Variants in NEK10 observed in about 807,000 individuals in gnomAD.
The protein encoded by NEK10 is NIMA related kinase 10.
Under a neutral mutation model 159.8 loss-of-function variants are expected in NEK10, and 122 were observed. The ratio of observed to expected loss-of-function variants is 0.76; its 90% CI spans 0.66 to 0.89. The LOEUF is 0.89. NEK10 is among the 40% of genes least tolerant of loss of function. NEK10 has a pLI of 0.00. For missense variants in NEK10, 1,342 were observed against 1,323.1 expected (o/e 1.01, Z -0.22); for synonymous variants, 466 against 457.1 (o/e 1.02, Z -0.25).
chr3:27,277,947 T>G (rs1260614911), intron 22 of NEK10, among the ~76,000 whole-genome samples: 1 of 152,206 alleles, frequency 6.6e-6, no homozygotes, highest in African/African-American at 2.4e-5. Flanking sequence ...ATAATGGACA[T>G]GTAGCATTAG....
chr3:27,308,381 A>C (rs931299114), intron 10 of NEK10, among the ~76,000 whole-genome samples: 1 of 152,230 alleles, frequency 6.6e-6, no homozygotes, highest in Non-Finnish European at 1.5e-5. Flanking sequence ...GCCTAACCAT[A>C]TAAATTTATT....
intron 19 of NEK10, 130 bp downstream of exon 19, chr3:27,290,487 A>G (rs545776957): frequency 1.6e-6 from 1 of 640,472 alleles, no homozygotes; most frequent in Non-Finnish European, 2.5e-6. Context: ...CAAAAATATC[A>G]CTGCTTCAGT....
intron 13 of NEK10, among the ~76,000 whole-genome samples, chr3:27,301,059 T>A (rs1199175458): frequency 6.6e-6 from 1 of 152,134 alleles, no homozygotes; most frequent in East Asian, 1.9e-4. Flanking sequence ...GCTCCCTTTC[T>A]GTGGGCCGCT....
At position 27,107,256 on chromosome 3, in the gene NEK10, A is replaced by T. The variant is rs1400353495; in HGVS notation, c.*4016T>A. On this transcript the variant is annotated 3_prime_UTR_variant, in exon 36 of 36. Transcript: ENST00000691995. ...GGCAATATCCATCAGACACCCCATG[A>T]AACTCATAAAATCTTTCCTGTCCCT... Among the ~76,000 whole-genome samples, 3 of 152,160 alleles carry T rather than the reference A, an allele frequency of 2.0e-5. No individual in the cohort carries two copies. Among genetic ancestry groups the T allele is most frequent in the Non-Finnish European group, 2.9e-5 (2 of 68,024 alleles).
intron 11 of NEK10, among the ~76,000 whole-genome samples, chr3:27,307,117 C>A (rs4374492): frequency 6.6e-6 from 1 of 152,200 alleles, no homozygotes; most frequent in South Asian, 2.1e-4. Flanking sequence ...TGGTTTTCAA[C>A]ACCTGGTACC....
At position 27,359,597 on chromosome 3, in the gene NEK10, T is replaced by C. The variant is rs1210904080; in HGVS notation, c.-37-6678A>G. Among the ~76,000 whole-genome samples, 3 of 152,176 alleles carry C rather than the reference T, an allele frequency of 2.0e-5. No homozygotes were observed. In the East Asian group the frequency reaches 5.8e-4, roughly 29 times the overall value. ...ATAGTGATTCTTTGAGAAAAGTAGT[T>C]AAAATAAGATAAAAAGTCACATAGA... On this transcript the variant is annotated intron_variant, in intron 1 of 35. Coordinates refer to ENST00000691995, the MANE Select transcript of NEK10 (RefSeq NM_001394966.1).
At chr3:27,260,783 T>A (rs1575491804) in intron 22 of NEK10, among the ~76,000 whole-genome samples, 1 of 152,302 alleles carries the variant, frequency 6.6e-6, no homozygotes, top group East Asian at 1.9e-4. Context: ...TTGGAATAGT[T>A]TCAGAAGGAA....
intron 7 of NEK10, among the ~76,000 whole-genome samples, chr3:27,313,765 T>G (rs2044910031): frequency 1.3e-5 from 2 of 152,136 alleles, no homozygotes; most frequent in African/African-American, 2.4e-5. Context: ...CAGGCTGGAG[T>G]GCAGTGGTGC....
chr3:27,137,429 A>G (rs565868105), intron 31 of NEK10, among the ~76,000 whole-genome samples: 1 of 152,342 alleles, frequency 6.6e-6, no homozygotes, highest in East Asian at 1.9e-4. Context: ...TTCAAAGGAT[A>G]TTTCTCTCAA....
chr3:27,320,080 C>T (rs996747366), intron 6 of NEK10, among the ~76,000 whole-genome samples: 4 of 152,170 alleles, frequency 2.6e-5, no homozygotes, highest in African/African-American at 7.2e-5. Flanking sequence ...TGCCTGAGCA[C>T]GTGGTCTTCT....
chr3:27,255,740 T>G (rs1956105944), intron 23 of NEK10, among the ~76,000 whole-genome samples: 1 of 152,150 alleles, frequency 6.6e-6, no homozygotes, highest in African/African-American at 2.4e-5. Context: ...ATATAAACAC[T>G]CATTTATCTA....
At chr3:27,187,432 T>C (rs2148953072) in intron 26 of NEK10, among the ~76,000 whole-genome samples, 1 of 152,112 alleles carries the variant, frequency 6.6e-6, no homozygotes, top group Middle Eastern at 3.4e-3. Flanking sequence ...TTATAGAAAA[T>C]AAAGTTTCCA....
intron 30 of NEK10, among the ~76,000 whole-genome samples, chr3:27,143,065 A>G (rs543218733): frequency 3.9e-5 from 6 of 152,208 alleles, no homozygotes; most frequent in Non-Finnish European, 8.8e-5. Context: ...TGTAGCTCTA[A>G]AATAGAAAAC....
At chr3:27,164,442 G>C (rs529485722) in intron 29 of NEK10, among the ~76,000 whole-genome samples, 40 of 152,238 alleles carry the variant, frequency 2.6e-4, no homozygotes, top group Non-Finnish European at 4.3e-4. Context: ...AAGTTTTCTG[G>C]TAGCCACATT....
intron 23 of NEK10, among the ~76,000 whole-genome samples, chr3:27,247,516 C>G (rs1359913689): frequency 6.6e-6 from 1 of 151,984 alleles, no homozygotes; most frequent in African/African-American, 2.4e-5. Flanking sequence ...ATTTGATTTG[C>G]TAGAATTTTG....
intron 1 of NEK10, among the ~76,000 whole-genome samples, chr3:27,364,484 T>C (rs1011942945): frequency 1.3e-5 from 2 of 151,798 alleles, no homozygotes; most frequent in Non-Finnish European, 2.9e-5. Flanking sequence ...CGCCTTGGCC[T>C]CCCGAAGTGC....
chr3:27,131,014 T>C (rs1427740630), intron 32 of NEK10, among the ~76,000 whole-genome samples: 2 of 152,226 alleles, frequency 1.3e-5, no homozygotes, highest in Admixed American at 6.6e-5. Context: ...AGAATGTTGT[T>C]TGCATTTCTT....
intron 23 of NEK10, among the ~76,000 whole-genome samples, chr3:27,227,724 G>A (rs1329927081): frequency 6.6e-6 from 1 of 152,082 alleles, no homozygotes; most frequent in Non-Finnish European, 1.5e-5. Context: ...CATAACCAAG[G>A]AAACATTTAT....
intron 25 of NEK10, among the ~76,000 whole-genome samples, chr3:27,194,855 T>C (rs1949430433): frequency 6.6e-6 from 1 of 152,232 alleles, no homozygotes; most frequent in Non-Finnish European, 1.5e-5. Context: ...AATATTCTCT[T>C]AATAGTACAC....
Sources: gnomAD v4.1 joint callset for allele counts (sites outside exome capture counted in the v4.1 genomes callset) on GRCh38, gnomAD v4.1.1 for gene constraint, MANE v1.5 for transcripts, NCBI Gene and HGNC (gene_info 2026-07-23, HGNC 2026-07-21) for gene names.